Variants in NRXN1 observed in about 807,000 individuals in gnomAD.
NRXN1 encodes the protein neurexin 1.
In NRXN1, 39 loss-of-function variants were observed where a neutral mutation model predicts 150.9. That is an observed-to-expected ratio of 0.26 (90% CI 0.20 to 0.34). The LOEUF is 0.34. Among genes scored for constraint, NRXN1 ranks in the 10% least tolerant of loss-of-function variants. NRXN1 has a pLI of 1.00. For synonymous variants in NRXN1, 924 were observed against 757.0 expected (o/e 1.22, Z -3.62); for missense variants, 1,815 against 1,949.9 (o/e 0.93, Z 1.30).
intron 5 of NRXN1, among the ~76,000 whole-genome samples, chr2:50,661,253 C>T (rs1057309174): frequency 1.3e-5 from 2 of 152,006 alleles, no homozygotes; most frequent in African/African-American, 4.8e-5. Context: ...TTCTAATCCA[C>T]CACGGAAGAA....
chr2:51,019,439 T>G (rs1281167712), intron 2 of NRXN1, among the ~76,000 whole-genome samples: 5 of 152,258 alleles, frequency 3.3e-5, no homozygotes, highest in Admixed American at 3.3e-4. Context: ...GATTTTAAAT[T>G]ATTCTCAACT....
At chr2:50,622,445 C>T (rs771961004) in intron 6 of NRXN1, among the ~76,000 whole-genome samples, 7 of 152,154 alleles carry the variant, frequency 4.6e-5, no homozygotes, top group Non-Finnish European at 7.4e-5. Flanking sequence ...TCAGCATGTA[C>T]GGCAATAAAA....
chr2:50,265,910 C>T (rs545831472), intron 17 of NRXN1, among the ~76,000 whole-genome samples: 1 of 151,658 alleles, frequency 6.6e-6, no homozygotes, highest in South Asian at 2.1e-4. Flanking sequence ...GCTAGAAAAA[C>T]GGTCACACAA....
chr2:50,739,270 A>T (rs376238163), intron 5 of NRXN1: 17 of 503,334 alleles, frequency 3.4e-5, no homozygotes, highest in Non-Finnish European at 6.4e-5. Flanking sequence ...TTACTTTTTG[A>T]TTAAAAAGTA....
chr2:50,418,650 C>T (rs1012892868), intron 17 of NRXN1, among the ~76,000 whole-genome samples: 34 of 151,970 alleles, frequency 2.2e-4, no homozygotes, highest in Non-Finnish European at 2.4e-4. Flanking sequence ...TACCCTTGTA[C>T]AGGAGAACTC....
At chr2:50,156,649 A>G (rs1198558145) in intron 18 of NRXN1, among the ~76,000 whole-genome samples, 1 of 151,956 alleles carries the variant, frequency 6.6e-6, no homozygotes, top group East Asian at 1.9e-4. Flanking sequence ...GAAAAAAATA[A>G]ACCAATACAA....
At chr2:50,058,812 T>A (rs1461615883) in intron 19 of NRXN1, among the ~76,000 whole-genome samples, 3 of 152,176 alleles carry the variant, frequency 2.0e-5, no homozygotes, top group Admixed American at 1.3e-4. Flanking sequence ...CCCCTGCAGA[T>A]GGTCTCTTGC....
chr2:50,835,560 T>C (rs1671993910), intron 5 of NRXN1, among the ~76,000 whole-genome samples: 1 of 152,162 alleles, frequency 6.6e-6, no homozygotes, highest in African/African-American at 2.4e-5. Flanking sequence ...ATAATGATAA[T>C]TGACATGCCA....
intron 17 of NRXN1, among the ~76,000 whole-genome samples, chr2:50,432,650 T>C (rs1366923154): frequency 6.6e-6 from 1 of 152,190 alleles, no homozygotes; most frequent in East Asian, 1.9e-4. Context: ...GGAGAGTTTT[T>C]ATCCTTCTCT....
chr2:50,312,265 T>C (rs528780672), intron 17 of NRXN1, among the ~76,000 whole-genome samples: 37 of 152,252 alleles, frequency 2.4e-4, no homozygotes, highest in Middle Eastern at 3.4e-3. Flanking sequence ...TCTTAGTTTT[T>C]TACTTTTAAT....
chr2:50,588,377 A>C (rs1673518314), intron 8 of NRXN1, among the ~76,000 whole-genome samples: 1 of 152,178 alleles, frequency 6.6e-6, no homozygotes, highest in Non-Finnish European at 1.5e-5. Context: ...GACAGAGCTC[A>C]AAGATTCTGC....
intron 15 of NRXN1, among the ~76,000 whole-genome samples, chr2:50,480,466 C>G (rs974192100): frequency 6.6e-6 from 1 of 152,198 alleles, no homozygotes; most frequent in Non-Finnish European, 1.5e-5. Flanking sequence ...GCACTTCACA[C>G]TGTCTCTCCA....
chr2:50,953,750 G>T (rs1196219303), intron 2 of NRXN1, among the ~76,000 whole-genome samples: 1 of 151,918 alleles, frequency 6.6e-6, no homozygotes, highest in Admixed American at 6.6e-5. Flanking sequence ...TAGTAGAGAC[G>T]AAATTTCACC....
At chr2:50,744,878 G>T (rs997304280) in intron 5 of NRXN1, among the ~76,000 whole-genome samples, 22 of 152,200 alleles carry the variant, frequency 1.4e-4, no homozygotes, top group African/African-American at 4.1e-4. Flanking sequence ...TGCTTTCAAG[G>T]TTATGGCAAC....
intron 17 of NRXN1, among the ~76,000 whole-genome samples, chr2:50,299,615 A>T (rs77840366): frequency 0.084 from 12,785 of 152,208 alleles, 626 homozygotes; most frequent in Middle Eastern, 0.14. Flanking sequence ...ACATATTAAA[A>T]ACATAGTATA....
intron 9 of NRXN1, among the ~76,000 whole-genome samples, chr2:50,541,350 C>G (rs1444818033): frequency 3.9e-5 from 6 of 152,146 alleles, no homozygotes; most frequent in African/African-American, 1.4e-4. Context: ...CCACAACCCA[C>G]TTTCTCCCTC....
intron 5 of NRXN1, chr2:50,829,497 C>A (rs968991217): frequency 6.3e-7 from 1 of 1,597,834 alleles, no homozygotes; most frequent in Admixed American, 1.7e-5. Context: ...GAGAAAGGCG[C>A]GAATCAAAAA....
chr2:50,058,580 C>G (rs113448878), intron 19 of NRXN1, among the ~76,000 whole-genome samples: 4 of 152,154 alleles, frequency 2.6e-5, no homozygotes, highest in Non-Finnish European at 4.4e-5. Flanking sequence ...GAATAAAAAA[C>G]TAATGACTTT....
intron 18 of NRXN1, among the ~76,000 whole-genome samples, chr2:50,146,733 G>A (rs2152766556): frequency 6.6e-6 from 1 of 151,656 alleles, no homozygotes; most frequent in African/African-American, 2.4e-5. Context: ...AATATACACA[G>A]GCCAAGTTTT....
Sources: allele counts gnomAD v4.1 joint callset (sites outside exome capture counted in the v4.1 genomes callset), GRCh38; gene constraint gnomAD v4.1.1; transcripts MANE v1.5; gene names NCBI Gene and HGNC (gene_info 2026-07-23, HGNC 2026-07-21).